The following ADAM22 variants were observed in gnomAD, a reference collection of about 807,000 sequenced individuals.
The protein encoded by ADAM22 is disintegrin and metalloproteinase domain-containing protein 22.
ADAM22 carries 65 observed loss-of-function variants against 144.6 expected under a neutral mutation model. The ratio of observed to expected loss-of-function variants is 0.45; its 90% confidence interval spans 0.37 to 0.55. The LOEUF is 0.55. ADAM22 is among the 20% of genes least tolerant of loss of function. The pLI is 0.00. For synonymous variants in ADAM22, 391 were observed against 412.6 expected (o/e 0.95, Z 0.63); for missense variants, 974 against 1,184.9 (o/e 0.82, Z 2.61).
intron 2 of ADAM22, among the ~76,000 whole-genome samples, chr7:87,941,986 C>T (rs923448045): frequency 1.3e-5 from 2 of 152,098 alleles, no homozygotes; most frequent in Non-Finnish European, 2.9e-5. Context: ...GCTTTTTTCT[C>T]ACAACACACT....
At chr7:88,156,970 C>A (rs371461283) in intron 22 of ADAM22, among the ~76,000 whole-genome samples, 1 of 151,010 alleles carries the variant, frequency 6.6e-6, no homozygotes, top group Non-Finnish European at 1.5e-5. Flanking sequence ...AACCACTTAT[C>A]AATATTTATG....
chr7:88,057,258 C>G (rs1229336870), intron 3 of ADAM22, among the ~76,000 whole-genome samples: 1 of 151,988 alleles, frequency 6.6e-6, no homozygotes, highest in Non-Finnish European at 1.5e-5. Context: ...CCATGCCTGG[C>G]CACATTTTTG....
At chr7:87,942,787 T>C (rs1028286395) in intron 2 of ADAM22, among the ~76,000 whole-genome samples, 3 of 152,188 alleles carry the variant, frequency 2.0e-5, no homozygotes, top group African/African-American at 7.2e-5. Context: ...CATATTAGTA[T>C]TCAGCAATCA....
At chr7:87,938,207 ATTTTTTTTTTTTTTT>A (rs59698275) in intron 2 of ADAM22, among the ~76,000 whole-genome samples, 1 of 75,554 alleles carries the variant, frequency 1.3e-5, no homozygotes, top group African/African-American at 5.8e-5. Context: ...ATACCCATAG[ATTTTTTTTTTTTTTT>A]TTTTTTTTTT....
Position 87,934,345 on chromosome 7 carries a change from C to T in ADAM22, c.-121C>T. 2.3e-6 allele frequency: 2 copies of T among 875,654 alleles called. No homozygotes were observed. Among genetic ancestry groups the T allele is most frequent in the Non-Finnish European group, 3.3e-6 (2 of 598,782 alleles). The allele number at this position is 875,654 out of a possible 1,614,324, so 54.2% of individuals were successfully genotyped here. On this transcript the variant is annotated 5_prime_UTR_variant, in exon 1 of 32. Transcript: ENST00000413139. ...TGCAGCGCCACGGCCGCCGCAGCACCGGCCGGGGCTGGGTGGAGGTGGCCG... is the reference window on the plus strand; with the variant it reads ...TGCAGCGCCACGGCCGCCGCAGCACTGGCCGGGGCTGGGTGGAGGTGGCCG...
At chr7:88,050,976 G>A (rs1458478397) in intron 3 of ADAM22, among the ~76,000 whole-genome samples, 1 of 152,102 alleles carries the variant, frequency 6.6e-6, no homozygotes, top group African/African-American at 2.4e-5. Flanking sequence ...TTTCTTCTAG[G>A]GTTTTTATGG....
At position 88,149,161 on chromosome 7, in the gene ADAM22, TC is replaced by T; in HGVS notation, c.1566+105del. The T allele has an allele frequency of 4.0e-6, 3 of 745,000 alleles. No individual in the cohort carries two copies. The South Asian group carries it at 5.1e-5, about 13-fold the overall frequency. 46.1% of individuals were successfully genotyped at this position (745,000 alleles called of 1,614,324 possible). ...TGTAAATGAACAAGATGCTCGTGTCTCTTTCACATCATTTCTCCATTTTTTT... is the reference window on the plus strand; with the variant it reads ...TGTAAATGAACAAGATGCTCGTGTCTTTTCACATCATTTCTCCATTTTTTT... On this transcript the variant is annotated intron_variant, in intron 18 of 31. Coordinates refer to ENST00000413139, the MANE Select transcript of ADAM22 (RefSeq NM_001324418.2).
intron 2 of ADAM22, among the ~76,000 whole-genome samples, chr7:87,941,047 G>A (rs1407310828): frequency 6.6e-6 from 1 of 152,048 alleles, no homozygotes; most frequent in Non-Finnish European, 1.5e-5. Flanking sequence ...TTATTTTGTT[G>A]TGTTTTCACC....
At chr7:88,098,971 A>G (rs1180097101) in intron 4 of ADAM22, among the ~76,000 whole-genome samples, 1 of 152,182 alleles carries the variant, frequency 6.6e-6, no homozygotes, top group Non-Finnish European at 1.5e-5. Flanking sequence ...ATGCTGTTTG[A>G]ACATTTGTAC....
At chr7:88,187,896 A>G (rs1036708473) in intron 30 of ADAM22, among the ~76,000 whole-genome samples, 4 of 151,904 alleles carry the variant, frequency 2.6e-5, no homozygotes, top group Non-Finnish European at 4.4e-5. Flanking sequence ...CCTGCTCACA[A>G]AAATATATCC....
chr7:88,148,609 G>A (rs1028567463), intron 17 of ADAM22, among the ~76,000 whole-genome samples: 2 of 152,026 alleles, frequency 1.3e-5, no homozygotes, highest in Admixed American at 6.6e-5. Context: ...TTGATTCTTG[G>A]TAGATAAGGC....
chr7:88,082,718 C>A (rs1489619587), intron 4 of ADAM22, among the ~76,000 whole-genome samples: 1 of 152,072 alleles, frequency 6.6e-6, no homozygotes, highest in Non-Finnish European at 1.5e-5. Flanking sequence ...ATTTATGCAG[C>A]CAAAAAACAC....
chr7:88,196,330 C>T, intron 31 of ADAM22, 141 bp from the exon 32 acceptor site: 3 of 930,952 alleles, frequency 3.2e-6, no homozygotes, highest in East Asian at 2.5e-5. Context: ...TTTATTCTAT[C>T]CACTTTTTAG....
intron 3 of ADAM22, among the ~76,000 whole-genome samples, chr7:87,980,057 G>A (rs900374821): frequency 3.9e-5 from 6 of 152,110 alleles, no homozygotes; most frequent in African/African-American, 7.2e-5. Context: ...GGAGACATCC[G>A]AGTCCAAAGA....
At chr7:88,131,599 C>A in intron 11 of ADAM22, 164 bp downstream of exon 11, 2 of 593,458 alleles carry the variant, frequency 3.4e-6, no homozygotes, top group South Asian at 2.6e-5. Context: ...CTTAAAATTG[C>A]CATGAAAATG....
chr7:88,177,050 C>T (rs1845856613), intron 26 of ADAM22, among the ~76,000 whole-genome samples: 1 of 146,784 alleles, frequency 6.8e-6, no homozygotes, highest in Non-Finnish European at 1.6e-5. Flanking sequence ...CAGGCGTGAG[C>T]CACCACGCCC....
chr7:88,179,197 C>G, intron 27 of ADAM22, 68 bp downstream of exon 27: 9 of 635,864 alleles, frequency 1.4e-5, no homozygotes, highest in Non-Finnish European at 1.4e-5. Flanking sequence ...GATTACTCTA[C>G]TTCAAAATGC....
At chr7:87,934,663 T>A in intron 1 of ADAM22, 113 bp downstream of exon 1, 2 of 363,690 alleles carry the variant, frequency 5.5e-6, no homozygotes, top group Non-Finnish European at 7.4e-6. Context: ...CGGGGAGATT[T>A]TTTTTTTTTT....
chr7:87,951,623 G>A (rs2131403954), intron 2 of ADAM22, among the ~76,000 whole-genome samples: 1 of 79,586 alleles, frequency 1.3e-5, no homozygotes, highest in South Asian at 3.5e-4. Flanking sequence ...TGGCGATGTG[G>A]GCTCTTTTTC....
Sources: allele counts gnomAD v4.1 joint callset (sites outside exome capture counted in the v4.1 genomes callset), GRCh38; gene constraint gnomAD v4.1.1; transcripts MANE v1.5; gene names NCBI Gene and HGNC (gene_info 2026-07-23, HGNC 2026-07-21).